Variants in DENND1A observed in about 807,000 individuals in gnomAD.
The protein encoded by DENND1A is DENN domain-containing protein 1A.
DENND1A carries 51 observed loss-of-function variants against 113.7 expected under a neutral mutation model. The observed-to-expected ratio is 0.45, with a 90% CI of 0.36 to 0.57. The LOEUF is 0.57. Among genes scored for constraint, DENND1A ranks in the 20% least tolerant of loss-of-function variants. The pLI, the probability that DENND1A is intolerant of heterozygous loss-of-function variation, is 0.00. For missense variants in DENND1A, 1,258 were observed against 1,395.9 expected (o/e 0.90, Z 1.57); for synonymous variants, 565 against 570.8 (o/e 0.99, Z 0.14).
chr9:123,809,849 T>C (rs1836245182), intron 2 of DENND1A, among the ~76,000 whole-genome samples: 1 of 152,128 alleles, frequency 6.6e-6, no homozygotes, highest in Non-Finnish European at 1.5e-5. Flanking sequence ...TTCTGTATTT[T>C]TACTAGAGAC....
intron 13 of DENND1A, among the ~76,000 whole-genome samples, chr9:123,503,727 A>T (rs1045917464): frequency 2.0e-5 from 3 of 152,114 alleles, no homozygotes; most frequent in Non-Finnish European, 2.9e-5. Context: ...AGGCCAGCAT[A>T]GTCTTTCTAA....
At chr9:123,588,581 T>C (rs900193148) in intron 11 of DENND1A, among the ~76,000 whole-genome samples, 2 of 121,596 alleles carry the variant, frequency 1.6e-5, no homozygotes, top group African/African-American at 6.3e-5. Flanking sequence ...GATTGCACCA[T>C]TGCACTCCAG....
intron 19 of DENND1A, among the ~76,000 whole-genome samples, chr9:123,436,139 CA>C (rs747681261): frequency 3.9e-5 from 6 of 152,178 alleles, no homozygotes; most frequent in Admixed American, 2.0e-4. Context: ...GAGAGAAAAC[CA>C]GGGGGGAATC....
At chr9:123,883,875 A>G (rs1848648235) in intron 1 of DENND1A, among the ~76,000 whole-genome samples, 1 of 151,702 alleles carries the variant, frequency 6.6e-6, no homozygotes, top group Admixed American at 6.6e-5. Context: ...TCTCAAAAAA[A>G]AAAAAAAAAA....
chr9:123,555,446 C>A (rs1390824203), intron 13 of DENND1A, among the ~76,000 whole-genome samples: 1 of 152,224 alleles, frequency 6.6e-6, no homozygotes, highest in Non-Finnish European at 1.5e-5. Flanking sequence ...AAATGGCGCA[C>A]TCACTGGCTA....
At chr9:123,685,103 A>C (rs1253830634) in intron 5 of DENND1A, among the ~76,000 whole-genome samples, 2 of 152,222 alleles carry the variant, frequency 1.3e-5, no homozygotes, top group African/African-American at 2.4e-5. Flanking sequence ...TGAAATGGGA[A>C]TATCTACCCT....
rs527364781 is a variant in DENND1A at position 123,874,560 on chromosome 9, G to A, written c.88+4391C>T. ...GAGGAACACTTGAGCCCAGGAGTTC[G>A]AGGCTGCAATGAACTATGATCACGC... On this transcript the variant is annotated intron_variant, in intron 2 of 23. Coordinates refer to ENST00000394215, the MANE Select transcript of DENND1A (RefSeq NM_001352964.2). Among the ~76,000 whole-genome samples, 59 of 152,256 alleles carry A rather than the reference G, an allele frequency of 3.9e-4. 1 individual carries two copies. The South Asian group carries it at 6.2e-3, about 16-fold the overall frequency.
intron 8 of DENND1A, among the ~76,000 whole-genome samples, chr9:123,657,155 C>A (rs1793436387): frequency 6.6e-6 from 1 of 152,178 alleles, no homozygotes; most frequent in South Asian, 2.1e-4. Flanking sequence ...CTCTTGGCTC[C>A]CACTTCTCAT....
intron 13 of DENND1A, among the ~76,000 whole-genome samples, chr9:123,506,662 T>TA (rs2134395372): frequency 6.6e-6 from 1 of 150,478 alleles, no homozygotes; most frequent in African/African-American, 2.4e-5. Context: ...CATAACAACT[T>TA]ACAGAGATTA....
chr9:123,814,907 A>G (rs1837206618), intron 2 of DENND1A, among the ~76,000 whole-genome samples: 2 of 152,244 alleles, frequency 1.3e-5, no homozygotes, highest in South Asian at 4.1e-4. Flanking sequence ...TGTTTTTACA[A>G]CTGATAATTA....
intron 3 of DENND1A, among the ~76,000 whole-genome samples, chr9:123,779,496 T>C (rs1830930610): frequency 6.6e-6 from 1 of 152,192 alleles, no homozygotes; most frequent in Non-Finnish European, 1.5e-5. Flanking sequence ...TCTTTTTTGT[T>C]CTGTTTTGTA....
intron 19 of DENND1A, among the ~76,000 whole-genome samples, chr9:123,432,937 G>A (rs1191148052): frequency 6.6e-6 from 1 of 152,228 alleles, no homozygotes; most frequent in African/African-American, 2.4e-5. Flanking sequence ...ACACAGGTCA[G>A]TTGCCATGTG....
chr9:123,636,342 A>C (rs941674742), intron 9 of DENND1A, among the ~76,000 whole-genome samples: 4 of 150,024 alleles, frequency 2.7e-5, no homozygotes, highest in Middle Eastern at 6.4e-3. Flanking sequence ...TTTGAGATGG[A>C]GTCTCGCTCT....
intron 13 of DENND1A, among the ~76,000 whole-genome samples, chr9:123,495,529 C>A (rs1168278494): frequency 6.6e-6 from 1 of 152,132 alleles, no homozygotes; most frequent in Non-Finnish European, 1.5e-5. Context: ...GGGGAGGAGG[C>A]AAAGAGGAGA....
intron 1 of DENND1A, among the ~76,000 whole-genome samples, chr9:123,886,135 A>C (rs753927153): frequency 6.6e-6 from 1 of 151,974 alleles, no homozygotes; most frequent in African/African-American, 2.4e-5. Context: ...AAATAGACAA[A>C]GGCTTTGACA....
At chr9:123,657,242 G>A (rs990587343) in intron 8 of DENND1A, among the ~76,000 whole-genome samples, 1 of 152,164 alleles carries the variant, frequency 6.6e-6, no homozygotes, top group Non-Finnish European at 1.5e-5. Flanking sequence ...AAGAGAAAGG[G>A]AATGGCACCT....
intron 13 of DENND1A, among the ~76,000 whole-genome samples, chr9:123,458,642 T>C (rs2132969039): frequency 6.6e-6 from 1 of 152,266 alleles, no homozygotes; most frequent in Middle Eastern, 3.4e-3. Context: ...GCGGAACCCT[T>C]TATTCAGATA....
intron 13 of DENND1A, among the ~76,000 whole-genome samples, chr9:123,478,798 T>C (rs1225991841): frequency 6.6e-6 from 1 of 152,216 alleles, no homozygotes; most frequent in African/African-American, 2.4e-5. Context: ...TAATAAAATG[T>C]TGGGGAAGAT....
At chr9:123,675,132 G>A (rs898033078) in intron 6 of DENND1A, among the ~76,000 whole-genome samples, 7 of 152,030 alleles carry the variant, frequency 4.6e-5, no homozygotes, top group African/African-American at 9.7e-5. Context: ...CAAGGAAGCC[G>A]TTTCTATTAG....
Sources: gnomAD v4.1 joint callset for allele counts (sites outside exome capture counted in the v4.1 genomes callset) on GRCh38, gnomAD v4.1.1 for gene constraint, MANE v1.5 for transcripts, NCBI Gene and HGNC (gene_info 2026-07-23, HGNC 2026-07-21) for gene names.